Variants in KCNIP4 observed in about 807,000 individuals in gnomAD.
The protein encoded by KCNIP4 is Kv channel-interacting protein 4.
In KCNIP4, 12 loss-of-function variants were observed where a neutral mutation model predicts 34.0. The observed-to-expected ratio is 0.35, with a 90% CI of 0.23 to 0.57. The LOEUF (loss-of-function observed/expected upper bound fraction) is 0.57. Ranked by LOEUF, KCNIP4 falls within the 20% of genes least tolerant of loss-of-function variation. The pLI, the probability that KCNIP4 is intolerant of heterozygous loss-of-function variation, is 0.83. For missense variants in KCNIP4, 238 were observed against 311.7 expected (o/e 0.76, Z 1.78); for synonymous variants, 124 against 102.2 (o/e 1.21, Z -1.29).
chr4:21,475,651 C>T, intron 1 of KCNIP4, among the ~76,000 whole-genome samples: 1 of 148,886 alleles, frequency 6.7e-6, no homozygotes, highest in Admixed American at 6.7e-5. Context: ...CATTTTCAGG[C>T]CTTACAAAAC....
chr4:21,222,936 T>A (rs1312377574), intron 1 of KCNIP4, among the ~76,000 whole-genome samples: 1 of 152,218 alleles, frequency 6.6e-6, no homozygotes, highest in Non-Finnish European at 1.5e-5. Context: ...TGCAGTGGTT[T>A]AAAGCAGCAG....
intron 2 of KCNIP4, among the ~76,000 whole-genome samples, chr4:20,866,750 T>G (rs1202937289): frequency 2.0e-5 from 3 of 152,072 alleles, no homozygotes; most frequent in Admixed American, 6.6e-5. Context: ...ACTCTATACC[T>G]AGAAAATCCT....
chr4:21,433,804 T>A (rs570459986), intron 1 of KCNIP4, among the ~76,000 whole-genome samples: 1 of 152,306 alleles, frequency 6.6e-6, no homozygotes, highest in African/African-American at 2.4e-5. Context: ...TGTCACACTT[T>A]CCCGATATTC....
At chr4:21,328,461 G>T (rs1715305342) in intron 1 of KCNIP4, among the ~76,000 whole-genome samples, 1 of 152,276 alleles carries the variant, frequency 6.6e-6, no homozygotes, top group Non-Finnish European at 1.5e-5. Flanking sequence ...GGAGCTGGGG[G>T]TGGAGTGACA....
At chr4:21,620,159 A>T (rs910652005) in intron 1 of KCNIP4, among the ~76,000 whole-genome samples, 1 of 152,152 alleles carries the variant, frequency 6.6e-6, no homozygotes, top group African/African-American at 2.4e-5. Flanking sequence ...TGATTGTTTT[A>T]AAAAAGTGTT....
chr4:20,957,343 A>T (rs1366236621), intron 1 of KCNIP4, among the ~76,000 whole-genome samples: 5 of 152,180 alleles, frequency 3.3e-5, no homozygotes, highest in Non-Finnish European at 7.3e-5. Context: ...TGTGTGCTTG[A>T]ATCAGACACA....
chr4:20,738,372 T>C (rs1750213428), intron 5 of KCNIP4, among the ~76,000 whole-genome samples: 1 of 152,180 alleles, frequency 6.6e-6, no homozygotes. Flanking sequence ...AAATATAATG[T>C]GCAACACAGT....
chr4:20,856,537 A>G (rs1231382199), intron 2 of KCNIP4, among the ~76,000 whole-genome samples: 1 of 152,144 alleles, frequency 6.6e-6, no homozygotes, highest in Non-Finnish European at 1.5e-5. Context: ...TGCAGACAAG[A>G]TCAATATCTT....
At chr4:21,618,561 T>C (rs982642478) in intron 1 of KCNIP4, among the ~76,000 whole-genome samples, 4 of 92,178 alleles carry the variant, frequency 4.3e-5, no homozygotes, top group African/African-American at 1.2e-4. Context: ...CTTTTTCTGG[T>C]CTCTCTCTCT....
chr4:21,094,040 C>A (rs543691272), intron 1 of KCNIP4, among the ~76,000 whole-genome samples: 1 of 152,008 alleles, frequency 6.6e-6, no homozygotes, highest in East Asian at 1.9e-4. Flanking sequence ...CAAGATCACG[C>A]CACTGTACTC....
intron 1 of KCNIP4, among the ~76,000 whole-genome samples, chr4:21,014,795 C>T (rs1204117162): frequency 6.6e-6 from 1 of 152,116 alleles, no homozygotes; most frequent in Non-Finnish European, 1.5e-5. Context: ...AGCAAGGATT[C>T]AGATATTTGC....
chr4:21,640,426 C>T (rs1303414248), intron 1 of KCNIP4, among the ~76,000 whole-genome samples: 1 of 152,168 alleles, frequency 6.6e-6, no homozygotes, highest in Non-Finnish European at 1.5e-5. Context: ...GAAAAGTGTG[C>T]CCTCTGGGTC....
intron 1 of KCNIP4, among the ~76,000 whole-genome samples, chr4:21,185,255 T>C (rs1755128115): frequency 6.6e-6 from 1 of 151,632 alleles, no homozygotes; most frequent in Admixed American, 6.6e-5. Context: ...TTAAAAATCC[T>C]AAGTCATGAC....
At chr4:21,674,653 C>T (rs1052771418) in intron 1 of KCNIP4, among the ~76,000 whole-genome samples, 1 of 152,102 alleles carries the variant, frequency 6.6e-6, no homozygotes, top group Non-Finnish European at 1.5e-5. Context: ...AGAAGTAGAA[C>T]TTGTTCCCTT....
At chr4:21,882,195 G>A (rs1726497508) in intron 1 of KCNIP4, among the ~76,000 whole-genome samples, 1 of 152,120 alleles carries the variant, frequency 6.6e-6, no homozygotes, top group Non-Finnish European at 1.5e-5. Flanking sequence ...TTCATAAGAA[G>A]GAAAGCACTA....
intron 1 of KCNIP4, among the ~76,000 whole-genome samples, chr4:21,503,663 A>T (rs1577477406): frequency 6.6e-6 from 1 of 152,270 alleles, no homozygotes; most frequent in East Asian, 1.9e-4. Flanking sequence ...CCACCCTGCT[A>T]CTTTTTAAAT....
In KCNIP4 at chr4:20,730,072, A is replaced by G. The variant is rs989350897; in HGVS notation, c.*10T>C. The G allele has an allele frequency of 3.7e-6, 6 of 1,606,910 alleles. No homozygotes were observed. Among genetic ancestry groups the G allele is most frequent in the Non-Finnish European group, 5.1e-6 (6 of 1,177,582 alleles). ...CATTTGTCTGTTGGATTCAGGATCT[A>G]TTTGACAAGTTAAATCACATTTTCA... On this transcript the variant is annotated 3_prime_UTR_variant, in exon 9 of 9. Transcript: ENST00000382152.
intron 1 of KCNIP4, among the ~76,000 whole-genome samples, chr4:21,630,636 T>A (rs561292285): frequency 6.6e-6 from 1 of 152,232 alleles, no homozygotes; most frequent in South Asian, 2.1e-4. Flanking sequence ...TGCCATCAAT[T>A]CCTTAGTGCT....
intron 1 of KCNIP4, among the ~76,000 whole-genome samples, chr4:21,204,307 T>C (rs781410271): frequency 6.6e-6 from 1 of 152,064 alleles, no homozygotes; most frequent in Non-Finnish European, 1.5e-5. Context: ...ATATTGGGAG[T>C]CCCTGGACTT....
Sources: allele counts gnomAD v4.1 joint callset (sites outside exome capture counted in the v4.1 genomes callset), GRCh38; gene constraint gnomAD v4.1.1; transcripts MANE v1.5; gene names NCBI Gene and HGNC (gene_info 2026-07-23, HGNC 2026-07-21).